ARHGAP42: variants seen among roughly 807,000 people sequenced by gnomAD.
ARHGAP42 encodes the protein rho GTPase-activating protein 42.
Under a neutral mutation model 125.0 loss-of-function variants are expected in ARHGAP42, and 63 were observed. That is an observed-to-expected ratio of 0.50 (90% confidence interval 0.41 to 0.62). ARHGAP42 has a LOEUF of 0.62. Ranked by LOEUF, ARHGAP42 falls within the 20% of genes least tolerant of loss-of-function variation. The probability of loss-of-function intolerance (pLI) is 0.00; values close to 1 mark genes in which losing one functional copy is unlikely to be tolerated. For synonymous variants in ARHGAP42, 339 were observed against 351.0 expected (o/e 0.97, Z 0.38); for missense variants, 766 against 1,024.2 (o/e 0.75, Z 3.44).
chr11:100,789,470 C>T lies in ARHGAP42; in HGVS notation c.251-5635C>T, dbSNP rs530456410. ...CGTAGACAGTTTTGATATGGCTTTACTCTCTCTCTGGGCATGAGTGAGCTG... is the reference window on the plus strand; with the variant it reads ...CGTAGACAGTTTTGATATGGCTTTATTCTCTCTCTGGGCATGAGTGAGCTG... On this transcript the variant is annotated intron_variant, in intron 2 of 23. Transcript: ENST00000298815. 7.9e-5 allele frequency among the ~76,000 whole-genome samples: 12 copies of T among 152,274 alleles called. No individual in the cohort carries two copies. In the South Asian group the frequency reaches 2.3e-3, roughly 29 times the overall value.
intron 1 of ARHGAP42, among the ~76,000 whole-genome samples, chr11:100,740,309 C>A (rs1221576483): frequency 6.6e-6 from 1 of 151,954 alleles, no homozygotes; most frequent in Non-Finnish European, 1.5e-5. Flanking sequence ...CTTTGGTGCA[C>A]AAGGGAAGAA....
chr11:100,735,205 A>G (rs933465324), intron 1 of ARHGAP42, among the ~76,000 whole-genome samples: 6 of 152,212 alleles, frequency 3.9e-5, no homozygotes, highest in Non-Finnish European at 7.3e-5. Flanking sequence ...AGTTTTCTCT[A>G]GTACATATTC....
chr11:100,721,869 C>T (rs1861764242), intron 1 of ARHGAP42, among the ~76,000 whole-genome samples: 1 of 152,144 alleles, frequency 6.6e-6, no homozygotes. Flanking sequence ...TTGGTTGCTT[C>T]CAAGTTTTGG....
chr11:100,921,677 T>A, intron 6 of ARHGAP42, 73 bp downstream of exon 6: 1 of 908,220 alleles, frequency 1.1e-6, no homozygotes, highest in Non-Finnish European at 1.6e-6. Flanking sequence ...GTTTTTTCTA[T>A]AATATATAAT....
At chr11:100,802,426 T>TTC (rs201952620) in intron 3 of ARHGAP42, among the ~76,000 whole-genome samples, 60 of 131,570 alleles carry the variant, frequency 4.6e-4, no homozygotes, top group Admixed American at 7.5e-4. Flanking sequence ...CTTTCTTTCT[T>TTC]TTTTTTTTTT....
chr11:100,874,759 T>C (rs1450499606), intron 4 of ARHGAP42, among the ~76,000 whole-genome samples: 1 of 152,236 alleles, frequency 6.6e-6, no homozygotes, highest in Non-Finnish European at 1.5e-5. Context: ...TTTTAAAATG[T>C]ATTCCTTTCC....
chr11:100,864,569 T>C (rs747427228), intron 4 of ARHGAP42, among the ~76,000 whole-genome samples: 2 of 152,106 alleles, frequency 1.3e-5, no homozygotes, highest in African/African-American at 4.8e-5. Flanking sequence ...GCATTGCATA[T>C]GTTTAGTGAT....
intron 4 of ARHGAP42, among the ~76,000 whole-genome samples, chr11:100,893,218 T>G (rs1866266231): frequency 6.6e-6 from 1 of 151,772 alleles, no homozygotes; most frequent in South Asian, 2.1e-4. Context: ...TGGGCTTTTT[T>G]GAGTCTCAGT....
At chr11:100,906,315 A>T (rs1286673533) in intron 4 of ARHGAP42, among the ~76,000 whole-genome samples, 3 of 152,188 alleles carry the variant, frequency 2.0e-5, no homozygotes, top group Non-Finnish European at 4.4e-5. Flanking sequence ...TGATAATTTA[A>T]CTAGAAATAG....
At chr11:100,869,236 G>A (rs1156319608) in intron 4 of ARHGAP42, among the ~76,000 whole-genome samples, 1 of 151,988 alleles carries the variant, frequency 6.6e-6, no homozygotes. Context: ...CTCTTATAAA[G>A]TAGAAGGTAT....
At chr11:100,895,689 A>AT (rs1258136047) in intron 4 of ARHGAP42, among the ~76,000 whole-genome samples, 2 of 151,794 alleles carry the variant, frequency 1.3e-5, no homozygotes, top group Non-Finnish European at 1.5e-5. Context: ...TTCTGCCCAG[A>AT]TTTTCTGATG....
At chr11:100,890,571 C>A (rs895604082) in intron 4 of ARHGAP42, among the ~76,000 whole-genome samples, 1 of 152,154 alleles carries the variant, frequency 6.6e-6, no homozygotes, top group African/African-American at 2.4e-5. Flanking sequence ...TGGAATCAGA[C>A]TGCTTGACTG....
chr11:100,886,676 G>A (rs1329731852), intron 4 of ARHGAP42, among the ~76,000 whole-genome samples: 1 of 152,140 alleles, frequency 6.6e-6, no homozygotes, highest in East Asian at 1.9e-4. Flanking sequence ...TATTGCATGT[G>A]CAAGTTAATC....
intron 1 of ARHGAP42, among the ~76,000 whole-genome samples, chr11:100,733,038 G>T (rs1031319146): frequency 6.6e-6 from 1 of 152,150 alleles, no homozygotes; most frequent in Non-Finnish European, 1.5e-5. Context: ...CACAAATCCA[G>T]TGTAACACTT....
intron 3 of ARHGAP42, among the ~76,000 whole-genome samples, chr11:100,826,317 A>T (rs903572848): frequency 1.3e-5 from 2 of 152,038 alleles, no homozygotes; most frequent in Non-Finnish European, 2.9e-5. Context: ...CTGTAGTTTG[A>T]TTTTTAAATC....
intron 2 of ARHGAP42, among the ~76,000 whole-genome samples, chr11:100,780,804 C>T (rs1040115534): frequency 1.3e-5 from 2 of 152,038 alleles, no homozygotes; most frequent in Non-Finnish European, 2.9e-5. Context: ...TGGAGGACAC[C>T]AACATTAAAC....
rs372421753 is a variant in ARHGAP42 at position 100,735,808 on chromosome 11, C to G, written c.155-34535C>G. ...CATTTTTAGTAGAGATGGGATTTCA[C>G]TGTTGAAACTATGGCCAGGCTGGTC... On this transcript the variant is annotated intron_variant, in intron 1 of 23. Transcript: ENST00000298815. Among the ~76,000 whole-genome samples, 22 of 152,036 alleles carry G rather than the reference C, an allele frequency of 1.4e-4. No homozygotes were observed. The East Asian group carries it at 2.9e-3, about 20-fold the overall frequency.
chr11:100,739,383 A>AT (rs1176184900), intron 1 of ARHGAP42, among the ~76,000 whole-genome samples: 2 of 152,040 alleles, frequency 1.3e-5, no homozygotes, highest in Non-Finnish European at 2.9e-5. Flanking sequence ...CCTGAGAAAC[A>AT]TTTTTTCTAT....
chr11:100,754,709 A>G (rs1862533080), intron 1 of ARHGAP42, among the ~76,000 whole-genome samples: 1 of 152,180 alleles, frequency 6.6e-6, no homozygotes, highest in Admixed American at 6.5e-5. Context: ...TCACTCCTCA[A>G]GGGAGAACAG....
Sources: allele counts gnomAD v4.1 joint callset (sites outside exome capture counted in the v4.1 genomes callset), GRCh38; gene constraint gnomAD v4.1.1; transcripts MANE v1.5; gene names NCBI Gene and HGNC (gene_info 2026-07-23, HGNC 2026-07-21).